The following ZNF362 variants were observed in gnomAD, a reference collection of about 807,000 sequenced individuals.
The protein encoded by ZNF362 is rotund homolog.
ZNF362 carries 11 observed loss-of-function variants against 42.9 expected under a neutral mutation model. The ratio of observed to expected loss-of-function variants is 0.26; its 90% confidence interval spans 0.16 to 0.42. The LOEUF is 0.42. Ranked by LOEUF, ZNF362 falls within the 20% of genes least tolerant of loss-of-function variation. ZNF362 has a pLI of 1.00. For synonymous variants in ZNF362, 255 were observed against 257.3 expected, an observed-to-expected ratio of 0.99 and a Z score of 0.09; for missense variants, 362 against 576.2, an observed-to-expected ratio of 0.63 and a Z score of 3.81.
At chr1:33,206,070 A>G in the ZNF362 span, among the ~76,000 whole-genome samples, 1 of 152,194 alleles carries the variant, frequency 6.6e-6, no homozygotes, top group East Asian at 1.9e-4. Context: ...AACAAATAAT[A>G]TTGGAAAAAT....
upstream of ZNF362, among the ~76,000 whole-genome samples, chr1:33,252,518 G>A (rs1252759410): frequency 6.6e-6 from 1 of 152,376 alleles, no homozygotes; most frequent in Non-Finnish European, 1.5e-5. Context: ...GAGAAACCAT[G>A]ATGGGCATGT....
chr1:33,151,846 G>A, the ZNF362 span, among the ~76,000 whole-genome samples: 2 of 152,218 alleles, frequency 1.3e-5, no homozygotes, highest in African/African-American at 4.8e-5. Context: ...CCCAAGCAGC[G>A]GAGAAAGCCC....
the ZNF362 span, among the ~76,000 whole-genome samples, chr1:33,148,933 A>G: frequency 1.3e-5 from 2 of 152,160 alleles, no homozygotes; most frequent in African/African-American, 2.4e-5. Flanking sequence ...GTCGTCTGCA[A>G]TCTAGCGCCA....
At chr1:33,180,735 A>G in the ZNF362 span, among the ~76,000 whole-genome samples, 10 of 151,914 alleles carry the variant, frequency 6.6e-5, no homozygotes, top group Admixed American at 3.3e-4. Context: ...CCGCCATCCC[A>G]TCCGCATCCC....
chr1:33,240,187 A>G, the ZNF362 span, among the ~76,000 whole-genome samples: 8 of 152,170 alleles, frequency 5.3e-5, no homozygotes, highest in Non-Finnish European at 2.9e-5. Context: ...TCATCAAGTG[A>G]TCAAAGTTAA....
the ZNF362 span, among the ~76,000 whole-genome samples, chr1:33,221,260 C>T: frequency 6.6e-6 from 1 of 152,174 alleles, no homozygotes; most frequent in African/African-American, 2.4e-5. Flanking sequence ...GAGTGAGGTA[C>T]GGGCCAGGAC....
chr1:33,246,698 C>A, the ZNF362 span, among the ~76,000 whole-genome samples: 2 of 152,244 alleles, frequency 1.3e-5, no homozygotes, highest in East Asian at 3.8e-4. Context: ...CAGTGTTTTG[C>A]AGGCCACGTG....
chr1:33,280,324 C>A lies in ZNF362; in HGVS notation c.550C>A (p.Leu184Met). ...DSIKTIQGHG[L>M]LGPPKSERGR... ...CATCAAGACAATCCAGGGCCACGGC[C>A]TGCTTGGCCCCCCCAAGTCCGAACG... is the stretch of plus-strand genomic sequence containing the variant. Residue 184 changes from leucine to methionine, a missense_variant, in exon 5 of 9, where the codon CTG becomes ATG. Physicochemically the swap from Leu to Met is conservative, Grantham distance 15. This residue lies in a region of ZNF362 where 266 missense variants were observed against 365.4 expected (regional missense o/e 0.73). Coordinates refer to ENST00000539719, the MANE Select transcript of ZNF362 (RefSeq NM_152493.3). This position sits in a 1 kb window ranked among gnomAD's most constrained non-coding sequence, Gnocchi z 5.6. The A allele has an allele frequency of 6.2e-7, 1 of 1,614,064 alleles. No individual in the cohort carries two copies. Among genetic ancestry groups the A allele is most frequent in the Non-Finnish European group, 8.5e-7 (1 of 1,179,946 alleles).
At chr1:33,208,463 A>G in the ZNF362 span, among the ~76,000 whole-genome samples, 110,295 of 152,002 alleles carry the variant, frequency 0.73, 40,263 homozygotes, top group Non-Finnish European at 0.76. Context: ...CCAATTCTGT[A>G]AAGAAAATCA....
At chr1:33,242,048 G>A in the ZNF362 span, among the ~76,000 whole-genome samples, 1 of 152,180 alleles carries the variant, frequency 6.6e-6, no homozygotes, top group Non-Finnish European at 1.5e-5. Context: ...AGTCCAGCAA[G>A]AAGAACAAAT....
the ZNF362 span, among the ~76,000 whole-genome samples, chr1:33,210,242 T>C: frequency 2.0e-5 from 3 of 151,966 alleles, no homozygotes; most frequent in Admixed American, 1.3e-4. Flanking sequence ...CAGTTTTGAG[T>C]GTTTCTTAAT....
intron 1 of ZNF362, among the ~76,000 whole-genome samples, chr1:33,262,898 G>A (rs943951897): frequency 6.6e-5 from 10 of 152,166 alleles, no homozygotes; most frequent in African/African-American, 1.7e-4. Flanking sequence ...ATGCACACAC[G>A]GTATGCACAT....
At chr1:33,214,362 C>A in the ZNF362 span, among the ~76,000 whole-genome samples, 2 of 152,178 alleles carry the variant, frequency 1.3e-5, no homozygotes, top group African/African-American at 4.8e-5. Context: ...GGATTAAAGA[C>A]TTAAATCTAA....
intron 6 of ZNF362, among the ~76,000 whole-genome samples, chr1:33,282,468 C>T (rs1348357870): frequency 1.3e-5 from 2 of 152,142 alleles, no homozygotes; most frequent in African/African-American, 2.4e-5. Context: ...TCTCTGCCTT[C>T]GTGGGGCATA....
At chr1:33,212,989 G>T in the ZNF362 span, among the ~76,000 whole-genome samples, 1 of 152,170 alleles carries the variant, frequency 6.6e-6, no homozygotes, top group African/African-American at 2.4e-5. Flanking sequence ...TAAACTAAAT[G>T]TGGCACATCC....
chr1:33,158,077 T>C, the ZNF362 span, among the ~76,000 whole-genome samples: 1 of 152,134 alleles, frequency 6.6e-6, no homozygotes, highest in South Asian at 2.1e-4. Context: ...GTTATGAAGG[T>C]CCACTGAGCT....
chr1:33,245,876 G>T, the ZNF362 span, among the ~76,000 whole-genome samples: 1 of 152,150 alleles, frequency 6.6e-6, no homozygotes, highest in Non-Finnish European at 1.5e-5. Flanking sequence ...AGAGATCAAG[G>T]CTGCAGTGAG....
At chr1:33,166,887 G>A in the ZNF362 span, among the ~76,000 whole-genome samples, 155 of 152,242 alleles carry the variant, frequency 1.0e-3, 1 homozygote, top group African/African-American at 3.5e-3. Context: ...TTTGTTCATC[G>A]TGGGTTTTTT....
chr1:33,236,550 A>AAAATAT, the ZNF362 span, among the ~76,000 whole-genome samples: 8 of 5,980 alleles, frequency 1.3e-3, no homozygotes, highest in African/African-American at 1.9e-3. Context: ...AAAAAAAAAA[A>AAAATAT]ATATATATAT....
Sources: allele counts gnomAD v4.1 joint callset (sites outside exome capture counted in the v4.1 genomes callset), GRCh38; gene constraint gnomAD v4.1.1; regional missense constraint gnomAD v4.1.1; non-coding constraint Gnocchi (gnomAD v3.1); transcripts MANE v1.5; gene names NCBI Gene and HGNC (gene_info 2026-07-23, HGNC 2026-07-21).